Variants in COL14A1 observed in about 807,000 individuals in gnomAD.
COL14A1 encodes the protein collagen type XIV alpha 1 chain.
Under a neutral mutation model 230.3 loss-of-function variants are expected in COL14A1, and 136 were observed. The ratio of observed to expected loss-of-function variants is 0.59; its 90% confidence interval spans 0.51 to 0.68. The LOEUF (loss-of-function observed/expected upper bound fraction) is 0.68. Among genes scored for constraint, COL14A1 ranks in the 30% least tolerant of loss-of-function variants. The pLI, the probability that COL14A1 is intolerant of heterozygous loss-of-function variation, is 0.00. For synonymous variants in COL14A1, 792 were observed against 784.1 expected, an observed-to-expected ratio of 1.01 and a Z score of -0.17; for missense variants, 1,976 against 2,215.8, an observed-to-expected ratio of 0.89 and a Z score of 2.17.
intron 36 of COL14A1, among the ~76,000 whole-genome samples, chr8:120,309,016 G>A (rs1159562849): frequency 6.6e-6 from 1 of 152,128 alleles, no homozygotes; most frequent in African/African-American, 2.4e-5. Context: ...CTCACTGCAA[G>A]GTCCGCCTCC....
intron 1 of COL14A1, among the ~76,000 whole-genome samples, chr8:120,144,980 G>T (rs896977108): frequency 1.2e-4 from 18 of 151,986 alleles, no homozygotes; most frequent in Admixed American, 2.0e-4. Context: ...AAATGAAATT[G>T]TCAGGCAAAA....
chr8:120,370,563 A>T, intron 47 of COL14A1: 2 of 1,460,280 alleles, frequency 1.4e-6, no homozygotes, highest in Non-Finnish European at 1.8e-6. Context: ...GAGTGATAAC[A>T]TCGGAACTTA....
chr8:120,316,105 T>G, intron 40 of COL14A1, 108 bp downstream of exon 40: 1 of 1,043,446 alleles, frequency 9.6e-7, no homozygotes, highest in South Asian at 1.4e-5. Flanking sequence ...GTTTTTGCTT[T>G]TTGTTTTCTC....
intron 3 of COL14A1, among the ~76,000 whole-genome samples, chr8:120,158,762 A>G (rs1254521850): frequency 1.3e-5 from 2 of 152,192 alleles, no homozygotes; most frequent in East Asian, 3.9e-4. Flanking sequence ...ATGATACTTA[A>G]ATGATGCTTA....
At chr8:120,124,623 T>G (rs1814256674), upstream of COL14A1, among the ~76,000 whole-genome samples, 1 of 152,148 alleles carries the variant, frequency 6.6e-6, no homozygotes, top group Non-Finnish European at 1.5e-5. Flanking sequence ...CCCTTGGACT[T>G]GTTCACAAGA....
rs1042046602 is a variant in COL14A1 at position 120,147,950 on chromosome 8, A to G, written c.88+20A>G. 17 of 1,540,538 alleles carry G rather than the reference A, an allele frequency of 1.1e-5. No homozygotes were observed. Among genetic ancestry groups the G allele is most frequent in the Non-Finnish European group, 1.5e-5 (17 of 1,114,194 alleles). ...GTCAAGGTAATTGAAAACTTTGAGA[A>G]TCAGTAGGGTCTGGGACTCTAGCTT... On this transcript the variant is annotated intron_variant, in intron 2 of 47. Transcript: ENST00000297848.
rs117125420 is a variant in COL14A1, at chr8:120,371,464, A to C, written c.*233A>C. 2.5e-6 allele frequency: 1 copy of C among 395,266 alleles called. No individual in the cohort carries two copies. Among genetic ancestry groups the C allele is most frequent in the Admixed American group, 4.4e-5 (1 of 22,664 alleles). The allele number at this position is 395,266 out of a possible 1,614,324, so 24.5% of individuals were successfully genotyped here. The stretch of plus-strand genomic sequence containing the variant: ...AGCAATGATTTCCCTTTGGTGTCTT[A>C]ATGGCATGTCAGATAATTTGTTTTT... On this transcript the variant is annotated 3_prime_UTR_variant, in exon 48 of 48. Coordinates refer to ENST00000297848, the MANE Select transcript of COL14A1 (RefSeq NM_021110.4).
At chr8:120,283,559 T>C (rs1356220397) in intron 31 of COL14A1, 77 bp from the exon 32 acceptor site, 4 of 1,445,584 alleles carry the variant, frequency 2.8e-6, no homozygotes, top group Non-Finnish European at 3.7e-6. Flanking sequence ...GTAATGAAAA[T>C]GTATTTGCTT....
chr8:120,228,544 G>T (rs1818163653), intron 17 of COL14A1, among the ~76,000 whole-genome samples, 166 bp from the exon 18 acceptor site: 1 of 152,222 alleles, frequency 6.6e-6, no homozygotes, highest in Non-Finnish European at 1.5e-5. Context: ...GCACAGGTAT[G>T]TCTGCCTTAC....
At chr8:120,260,580 G>A (rs118019523) in intron 23 of COL14A1, among the ~76,000 whole-genome samples, 17 of 152,242 alleles carry the variant, frequency 1.1e-4, no homozygotes, top group Admixed American at 3.9e-4. Flanking sequence ...GAAATAAAGC[G>A]TTATGAGGCT....
At chr8:120,308,569 A>C (rs1017759801) in intron 36 of COL14A1, among the ~76,000 whole-genome samples, 6 of 152,252 alleles carry the variant, frequency 3.9e-5, no homozygotes, top group Non-Finnish European at 8.8e-5. Flanking sequence ...ACATAAATAA[A>C]ATTACGTTTT....
At chr8:120,320,928 C>A (rs988750716) in intron 40 of COL14A1, among the ~76,000 whole-genome samples, 1 of 152,186 alleles carries the variant, frequency 6.6e-6, no homozygotes, top group African/African-American at 2.4e-5. Flanking sequence ...TCATTGTTAT[C>A]CCCATTTTAC....
chr8:120,256,958 A>G (rs891558951), intron 23 of COL14A1, among the ~76,000 whole-genome samples: 4 of 152,220 alleles, frequency 2.6e-5, no homozygotes, highest in African/African-American at 9.6e-5. Context: ...ATGTTGACAC[A>G]ACGATGTATA....
intron 40 of COL14A1, 149 bp from the exon 41 acceptor site, chr8:120,331,992 T>G: frequency 1.6e-6 from 1 of 614,928 alleles, no homozygotes. Context: ...AAAAACAATT[T>G]CCATGAAGAG....
chr8:120,216,870 C>T (rs115315322), intron 14 of COL14A1, among the ~76,000 whole-genome samples: 1,555 of 152,300 alleles, frequency 0.01, 31 homozygotes, highest in African/African-American at 0.036. Flanking sequence ...AGTCCCATGA[C>T]CCATGTCCAA....
chr8:120,341,720 T>G lies in COL14A1; in HGVS notation c.4821+360T>G, dbSNP rs375991504. ...AAAGGCTTCAGAAAAGTAAAAACTC[T>G]ATACAAGTGACAAGTGGCAGCATGG... On this transcript the variant is annotated intron_variant, in intron 43 of 47. Coordinates refer to ENST00000297848, the MANE Select transcript of COL14A1 (RefSeq NM_021110.4). Among the ~76,000 whole-genome samples the G allele has an allele frequency of 3.5e-4, 53 of 152,322 alleles. 1 individual carries two copies. Among genetic ancestry groups the G allele is most frequent in the African/African-American group, 1.2e-3 (48 of 41,582 alleles).
intron 40 of COL14A1, among the ~76,000 whole-genome samples, chr8:120,330,179 G>A (rs1258567982): frequency 6.6e-6 from 1 of 152,130 alleles, no homozygotes; most frequent in East Asian, 1.9e-4. Context: ...AATGTGCCTA[G>A]GCAGGAAAGG....
chr8:120,259,427 C>A (rs1256219817), intron 23 of COL14A1, among the ~76,000 whole-genome samples: 2 of 152,146 alleles, frequency 1.3e-5, no homozygotes, highest in Non-Finnish European at 2.9e-5. Context: ...AAATTAACTT[C>A]CTCCTTTTGG....
rs149492812 is a variant in COL14A1, at chr8:120,196,843, C to T, written c.489C>T (p.Val163=). 1.8e-5 allele frequency: 29 copies of T among 1,613,776 alleles called. No individual in the cohort carries two copies. In the African/African-American group the frequency reaches 2.8e-4, roughly 16 times the overall value. Residue 163 remains valine, a synonymous_variant, in exon 6 of 48, where the codon GTC becomes GTT. Coordinates refer to ENST00000297848, the MANE Select transcript of COL14A1 (RefSeq NM_021110.4). ...TPAIADIVIL[V]DGSWSIGRFN... is the part of the protein sequence containing the mutation. ...CAATTGCTGACATTGTAATCCTGGTCGATGGTTCATGGAGTATTGGAAGAT... is the reference window on the plus strand; with the variant it reads ...CAATTGCTGACATTGTAATCCTGGTTGATGGTTCATGGAGTATTGGAAGAT...
Sources: allele counts gnomAD v4.1 joint callset (sites outside exome capture counted in the v4.1 genomes callset), GRCh38; gene constraint gnomAD v4.1.1; transcripts MANE v1.5; gene names NCBI Gene and HGNC (gene_info 2026-07-23, HGNC 2026-07-21).